TCAIM: variants seen among roughly 807,000 people sequenced by gnomAD.
TCAIM encodes the protein T-cell activation inhibitor, mitochondrial.
In TCAIM, 36 loss-of-function variants were observed where a neutral mutation model predicts 58.6. The observed-to-expected ratio is 0.61, with a 90% CI of 0.47 to 0.81. The LOEUF is 0.81. TCAIM is among the 30% of genes least tolerant of loss of function. The pLI, the probability that TCAIM is intolerant of heterozygous loss-of-function variation, is 0.00. For missense variants in TCAIM, 466 were observed against 579.6 expected (o/e 0.80, Z 2.01); for synonymous variants, 172 against 193.6 (o/e 0.89, Z 0.93).
intron 5 of TCAIM, among the ~76,000 whole-genome samples, chr3:44,388,434 T>C (rs1201630029): frequency 6.6e-6 from 1 of 152,030 alleles, no homozygotes; most frequent in Non-Finnish European, 1.5e-5. Context: ...TGATGTTTGC[T>C]CATAATTAGA....
At chr3:44,404,578 A>C (rs1446238243) in intron 10 of TCAIM, among the ~76,000 whole-genome samples, 1 of 151,894 alleles carries the variant, frequency 6.6e-6, no homozygotes, top group Non-Finnish European at 1.5e-5. Context: ...TGGGCCCAGG[A>C]GCCTCTCCTC....
intron 5 of TCAIM, among the ~76,000 whole-genome samples, chr3:44,388,893 C>G (rs1159568383): frequency 6.6e-6 from 1 of 152,206 alleles, no homozygotes; most frequent in Non-Finnish European, 1.5e-5. Flanking sequence ...CTGGCTCTTT[C>G]TAGTAGGGAT....
intron 4 of TCAIM, among the ~76,000 whole-genome samples, chr3:44,365,459 G>A (rs1313398453): frequency 6.6e-6 from 1 of 152,086 alleles, no homozygotes; most frequent in South Asian, 2.1e-4. Context: ...CTCCCGAGTA[G>A]CTGGGATTAC....
In TCAIM at chr3:44,354,723, C is replaced by A. The variant is rs796357136; in HGVS notation, c.-44-16C>A. The stretch of plus-strand genomic sequence containing the variant: ...AATTCTACTTGTTCATTTGTGATAT[C>A]TGCTTAACTTTTAAGCAATTAATGG... On this transcript the variant is annotated splice_polypyrimidine_tract_variant and intron_variant, in intron 1 of 10. Coordinates refer to ENST00000342649, the MANE Select transcript of TCAIM (RefSeq NM_173826.4). The A allele has an allele frequency of 1.9e-5, 30 of 1,547,938 alleles. No individual in the cohort carries two copies. The South Asian group carries it at 3.3e-4, about 17-fold the overall frequency.
intron 1 of TCAIM, among the ~76,000 whole-genome samples, chr3:44,347,236 G>A (rs1446852810): frequency 6.6e-6 from 1 of 152,164 alleles, no homozygotes; most frequent in South Asian, 2.1e-4. Context: ...GATAACAGAT[G>A]TTGGAGGAGC....
intron 1 of TCAIM, among the ~76,000 whole-genome samples, chr3:44,353,121 G>A (rs1035006696): frequency 6.6e-6 from 1 of 151,580 alleles, no homozygotes; most frequent in East Asian, 1.9e-4. Context: ...GGGTTTCACC[G>A]TGTTGGTCAG....
In TCAIM at chr3:44,366,463, G is replaced by GTT. The variant is rs11310204; in HGVS notation, c.320-974_320-973dup. ...CCACTGCGCCTGGCTAATTTTTGTTGTTTTTTTTTTTTTTTTTTTTGAGAC... is the reference window on the plus strand; with the variant it reads ...CCACTGCGCCTGGCTAATTTTTGTTGTTTTTTTTTTTTTTTTTTTTTTGAGAC... On this transcript the variant is annotated intron_variant, in intron 4 of 10. Coordinates refer to ENST00000342649, the MANE Select transcript of TCAIM (RefSeq NM_173826.4). Among the ~76,000 whole-genome samples, 571 of 83,008 alleles carry GTT rather than the reference G, an allele frequency of 6.9e-3. 27 individuals are homozygous for GTT. The highest frequency in any genetic ancestry group is 0.025 in the African/African-American group (527 of 21,230). The allele number at this position is 83,008 out of a possible 152,430, so 54.5% of individuals were successfully genotyped here.
At chr3:44,382,189 G>A (rs1462374640) in intron 5 of TCAIM, among the ~76,000 whole-genome samples, 1 of 152,144 alleles carries the variant, frequency 6.6e-6, no homozygotes, top group East Asian at 1.9e-4. Context: ...GAGCAAAGCT[G>A]GAGAACTCAC....
chr3:44,392,980 A>G lies in TCAIM; in HGVS notation c.695+3A>G, dbSNP rs755508183. 6 of 1,604,336 alleles carry G rather than the reference A, an allele frequency of 3.7e-6. No homozygotes were observed. The highest frequency in any genetic ancestry group is 5.1e-6 in the Non-Finnish European group (6 of 1,176,278). ...CAATTGCAACTCTCAGATATCAGGT[A>G]AGAAAGAAGAGAGAACCTAATTTAG... On this transcript the variant is annotated splice_donor_region_variant and intron_variant, in intron 6 of 10. Transcript: ENST00000342649.
intron 10 of TCAIM, 21 bp from the exon 11 acceptor site, chr3:44,407,421 T>C (rs1294954070): frequency 1.5e-6 from 2 of 1,374,148 alleles, no homozygotes; most frequent in South Asian, 2.7e-5. Flanking sequence ...TATGACAATA[T>C]TTTTATTTTC....
intron 8 of TCAIM, among the ~76,000 whole-genome samples, chr3:44,399,030 G>A (rs1701983006): frequency 6.6e-6 from 1 of 152,218 alleles, no homozygotes; most frequent in African/African-American, 2.4e-5. Flanking sequence ...GGGAGCAGAG[G>A]TGTCAGTGCT....
At chr3:44,344,998 CG>C (rs1163147275) in intron 1 of TCAIM, among the ~76,000 whole-genome samples, 2 of 152,072 alleles carry the variant, frequency 1.3e-5, no homozygotes, top group African/African-American at 4.8e-5. Flanking sequence ...TGGATGTATA[CG>C]TTCAGGCTTG....
chr3:44,383,097 A>G (rs1289295096), intron 5 of TCAIM, among the ~76,000 whole-genome samples: 1 of 152,210 alleles, frequency 6.6e-6, no homozygotes, highest in Non-Finnish European at 1.5e-5. Context: ...ACAAGAGTTG[A>G]TGAGGGTTTG....
chr3:44,359,708 G>A (rs574194096), intron 3 of TCAIM: 1 of 152,314 alleles, frequency 6.6e-6, no homozygotes, highest in Admixed American at 6.5e-5. Flanking sequence ...AAACTTGCAC[G>A]TGGTCTCTCC....
upstream of TCAIM, chr3:44,338,705 A>C (rs955517814): frequency 6.6e-6 from 1 of 152,340 alleles, no homozygotes; most frequent in African/African-American, 2.4e-5. Context: ...CTGGTTGGCC[A>C]GCTGACGCCC....
At chr3:44,376,350 T>TA (rs1701565601) in intron 5 of TCAIM, among the ~76,000 whole-genome samples, 1 of 152,354 alleles carries the variant, frequency 6.6e-6, no homozygotes, top group Admixed American at 6.5e-5. Flanking sequence ...CTACTCTTCC[T>TA]AAAAAATATA....
chr3:44,397,245 G>A (rs367641879), intron 8 of TCAIM, among the ~76,000 whole-genome samples: 3 of 152,140 alleles, frequency 2.0e-5, no homozygotes, highest in Non-Finnish European at 2.9e-5. Context: ...GATAGCAAAC[G>A]TATCCAACAA....
intron 1 of TCAIM, among the ~76,000 whole-genome samples, chr3:44,344,982 G>A (rs1700935624): frequency 6.6e-6 from 1 of 152,084 alleles, no homozygotes; most frequent in Non-Finnish European, 1.5e-5. Flanking sequence ...GTTACTTCAG[G>A]CCATCTGGAT....
chr3:44,340,866 C>G (rs1472184117), intron 1 of TCAIM: 1 of 152,170 alleles, frequency 6.6e-6, no homozygotes, highest in Non-Finnish European at 1.5e-5. Flanking sequence ...TCCTTCCTAC[C>G]CTGTCCCTTT....
Sources: allele counts gnomAD v4.1 joint callset (sites outside exome capture counted in the v4.1 genomes callset), GRCh38; gene constraint gnomAD v4.1.1; transcripts MANE v1.5; gene names NCBI Gene and HGNC (gene_info 2026-07-23, HGNC 2026-07-21).